The following DGKI variants were observed in gnomAD, a reference collection of about 807,000 sequenced individuals.
DGKI encodes the protein DAG kinase iota.
Under a neutral mutation model 147.5 loss-of-function variants are expected in DGKI, and 55 were observed. The ratio of observed to expected loss-of-function variants is 0.37; its 90% CI spans 0.30 to 0.47. DGKI has a LOEUF of 0.47. Among genes scored for constraint, DGKI ranks in the 20% least tolerant of loss-of-function variants. The probability of loss-of-function intolerance (pLI) is 1.00; values close to 1 mark genes in which losing one functional copy is unlikely to be tolerated. For synonymous variants in DGKI, 469 were observed against 477.1 expected (o/e 0.98, Z 0.22); for missense variants, 1,007 against 1,323.8 (o/e 0.76, Z 3.71).
At chr7:137,464,154 G>T (rs1443063514) in intron 26 of DGKI, among the ~76,000 whole-genome samples, 2 of 151,580 alleles carry the variant, frequency 1.3e-5, no homozygotes, top group Non-Finnish European at 2.9e-5. Context: ...CTACCCATGA[G>T]GCTGAGGCAG....
At chr7:137,760,062 TC>T (rs1221528079) in intron 1 of DGKI, among the ~76,000 whole-genome samples, 1 of 152,028 alleles carries the variant, frequency 6.6e-6, no homozygotes, top group Non-Finnish European at 1.5e-5. Flanking sequence ...CGACAGGGAA[TC>T]CTCCTAATCC....
chr7:137,716,445 T>A (rs1185517358), intron 1 of DGKI, among the ~76,000 whole-genome samples: 1 of 152,206 alleles, frequency 6.6e-6, no homozygotes, highest in East Asian at 1.9e-4. Context: ...TCACTTCTAC[T>A]TTATACCAGT....
chr7:137,597,755 A>G, intron 12 of DGKI, 92 bp downstream of exon 12: 1 of 1,212,778 alleles, frequency 8.2e-7, no homozygotes. Context: ...AGGGGATTAG[A>G]AAGACTGAGC....
At chr7:137,588,624 A>C (rs1452027765) in intron 12 of DGKI, among the ~76,000 whole-genome samples, 3 of 151,962 alleles carry the variant, frequency 2.0e-5, no homozygotes, top group South Asian at 4.1e-4. Flanking sequence ...CTACAGGCGT[A>C]TGCCACCACG....
chr7:137,737,071 T>C (rs1053926204), intron 1 of DGKI, among the ~76,000 whole-genome samples: 1 of 152,012 alleles, frequency 6.6e-6, no homozygotes, highest in African/African-American at 2.4e-5. Flanking sequence ...CTAAACGTGA[T>C]TGGACAGCAC....
At chr7:137,477,750 G>A (rs1815224873) in intron 23 of DGKI, among the ~76,000 whole-genome samples, 1 of 152,044 alleles carries the variant, frequency 6.6e-6, no homozygotes, top group Non-Finnish European at 1.5e-5. Context: ...TCTGCCTCCT[G>A]GACTCAAACA....
chr7:137,711,312 C>T lies in DGKI; in HGVS notation c.402-21310G>A, dbSNP rs553281438. On this transcript the variant is annotated intron_variant, in intron 1 of 32. Transcript: ENST00000614521. ...TGATAGTTAAAATATCATATCAGCA[C>T]TATTTATTACAGAAAAATATAAAGG... 1.3e-4 allele frequency among the ~76,000 whole-genome samples: 20 copies of T among 152,174 alleles called. No homozygotes were observed. In the South Asian group the frequency reaches 4.1e-3, roughly 32 times the overall value.
intron 6 of DGKI, among the ~76,000 whole-genome samples, chr7:137,631,733 A>C (rs1422861404): frequency 7.3e-6 from 1 of 136,552 alleles, no homozygotes; most frequent in African/African-American, 3.5e-5. Context: ...AAATTTGAAC[A>C]AAAAAAAAAT....
Position 137,386,095 on chromosome 7 carries a change from T to A in DGKI, c.*5125A>T, listed in dbSNP as rs1450862092. 1.3e-5 allele frequency: 2 copies of A among 152,180 alleles called. No homozygotes were observed. Among genetic ancestry groups the A allele is most frequent in the African/African-American group, 4.8e-5 (2 of 41,452 alleles). 9.4% of individuals were successfully genotyped at this position (152,180 alleles called of 1,614,324 possible). The stretch of plus-strand genomic sequence containing the variant: ...AATAGACTCTGGAGTCTATGCATTA[T>A]GAAGATACCATTCAATTTTCACGTT... On this transcript the variant is annotated 3_prime_UTR_variant, in exon 33 of 33. Coordinates refer to ENST00000614521, the MANE Select transcript of DGKI (RefSeq NM_001321708.2).
chr7:137,795,640 G>C (rs1796999678), intron 1 of DGKI, among the ~76,000 whole-genome samples: 1 of 152,184 alleles, frequency 6.6e-6, no homozygotes, highest in Non-Finnish European at 1.5e-5. Context: ...ACATATTCTT[G>C]GGAATCTGGA....
chr7:137,577,843 T>C (rs1054102761), intron 16 of DGKI, among the ~76,000 whole-genome samples: 5 of 152,248 alleles, frequency 3.3e-5, no homozygotes, highest in Non-Finnish European at 7.3e-5. Context: ...TATGCGTCCA[T>C]GAAAAACACC....
At chr7:137,485,632 T>C (rs1815529059) in intron 22 of DGKI, among the ~76,000 whole-genome samples, 1 of 152,106 alleles carries the variant, frequency 6.6e-6, no homozygotes, top group Non-Finnish European at 1.5e-5. Flanking sequence ...ATTAAGCTGT[T>C]GAAACCTATA....
chr7:137,845,444 G>A (rs1006085808), intron 1 of DGKI, among the ~76,000 whole-genome samples: 3 of 152,222 alleles, frequency 2.0e-5, no homozygotes, highest in Non-Finnish European at 1.5e-5. Flanking sequence ...AGGGTTACAA[G>A]AATGTTTTCA....
intron 5 of DGKI, among the ~76,000 whole-genome samples, chr7:137,652,375 A>G (rs763852593): frequency 6.6e-6 from 1 of 152,192 alleles, no homozygotes; most frequent in African/African-American, 2.4e-5. Context: ...CTGCCTCCAC[A>G]TTGACCTATC....
chr7:137,421,040 GA>G (rs992172713), intron 28 of DGKI, among the ~76,000 whole-genome samples: 5 of 150,860 alleles, frequency 3.3e-5, no homozygotes, highest in African/African-American at 4.9e-5. Flanking sequence ...AAAAGAAAAA[GA>G]AAAAAAAATC....
chr7:137,814,696 G>A (rs1165458863), intron 1 of DGKI, among the ~76,000 whole-genome samples: 1 of 152,052 alleles, frequency 6.6e-6, no homozygotes, highest in Non-Finnish European at 1.5e-5. Context: ...CAAACATTGA[G>A]GTTTGAAATG....
intron 8 of DGKI, among the ~76,000 whole-genome samples, chr7:137,618,438 G>A (rs1820626495): frequency 6.6e-6 from 1 of 151,250 alleles, no homozygotes; most frequent in African/African-American, 2.4e-5. Flanking sequence ...TTTTTACAAA[G>A]CAGAACAAAT....
Position 137,482,512 on chromosome 7 carries a change from G to T in DGKI, c.2373+2862C>A, listed in dbSNP as rs114727180. ...TCTCTGGGCCTGAATTTTTTAATGA[G>T]GTTTAATATTCGTATACCCAACTGC... On this transcript the variant is annotated intron_variant, in intron 23 of 32. Coordinates refer to ENST00000614521, the MANE Select transcript of DGKI (RefSeq NM_001321708.2). Among the ~76,000 whole-genome samples, 1,233 of 151,764 alleles carry T rather than the reference G, an allele frequency of 8.1e-3. 15 individuals carry two copies. Among genetic ancestry groups the T allele is most frequent in the African/African-American group, 0.028 (1,166 of 41,402 alleles).
At chr7:137,776,661 T>C (rs924635099) in intron 1 of DGKI, among the ~76,000 whole-genome samples, 1 of 152,234 alleles carries the variant, frequency 6.6e-6, no homozygotes, top group Admixed American at 6.5e-5. Flanking sequence ...ATCTATTTCA[T>C]ATAACCACGC....
Sources: gnomAD v4.1 joint callset for allele counts (sites outside exome capture counted in the v4.1 genomes callset) on GRCh38, gnomAD v4.1.1 for gene constraint, MANE v1.5 for transcripts, NCBI Gene and HGNC (gene_info 2026-07-23, HGNC 2026-07-21) for gene names.